The following STAT4 variants were observed in gnomAD, a reference collection of about 807,000 sequenced individuals.
STAT4 encodes the protein signal transducer and activator of transcription 4.
A neutral mutation model predicts 110.5 loss-of-function variants in STAT4; 42 were observed. The observed-to-expected ratio is 0.38, with a 90% CI of 0.30 to 0.49. The LOEUF is 0.49. STAT4 is among the 20% of genes least tolerant of loss of function. The probability of loss-of-function intolerance (pLI) is 0.95; values close to 1 mark genes in which losing one functional copy is unlikely to be tolerated. For missense variants in STAT4, 632 were observed against 887.9 expected (o/e 0.71, Z 3.66); for synonymous variants, 284 against 302.2 (o/e 0.94, Z 0.63).
chr2:191,124,235 T>C (rs1157417781), intron 3 of STAT4, among the ~76,000 whole-genome samples: 1 of 152,020 alleles, frequency 6.6e-6, no homozygotes, highest in Non-Finnish European at 1.5e-5. Flanking sequence ...GGCTGGCGGA[T>C]TGCGAGGTCA....
intron 3 of STAT4, among the ~76,000 whole-genome samples, chr2:191,095,426 G>C (rs1296287311): frequency 6.6e-6 from 1 of 152,166 alleles, no homozygotes; most frequent in Non-Finnish European, 1.5e-5. Flanking sequence ...TCAGACCACA[G>C]CGCAATCAAA....
rs1353417956 is a variant in STAT4, at chr2:191,107,779, G to A, written c.274-31454C>T. 1.3e-5 allele frequency among the ~76,000 whole-genome samples: 2 copies of A among 152,136 alleles called. No individual in the cohort carries two copies. Among genetic ancestry groups the A allele is most frequent in the Non-Finnish European group, 2.9e-5 (2 of 68,030 alleles). ...TACCATACCTTCCTGATGTCCTAAC[G>A]TATGGTCACAGGAAGAGAATCTCGA... On this transcript the variant is annotated intron_variant, in intron 3 of 23. Coordinates refer to ENST00000392320, the MANE Select transcript of STAT4 (RefSeq NM_003151.4). The surrounding 1 kb of genome is among the most constrained non-coding windows in gnomAD (Gnocchi z 4.2).
Position 191,059,272 on chromosome 2 carries a change from T to C in STAT4, c.1035-503A>G. ...CATTTGAAACACTTTCAAAACACTA[T>C]ATTTAAGTAACAGCAAAAACGTTCA... On this transcript the variant is annotated intron_variant, in intron 10 of 23. Coordinates refer to ENST00000392320, the MANE Select transcript of STAT4 (RefSeq NM_003151.4). The surrounding 1 kb of genome is among the most constrained non-coding windows in gnomAD (Gnocchi z 4.7). 6.6e-6 allele frequency among the ~76,000 whole-genome samples: 1 copy of C among 152,214 alleles called. No individual in the cohort carries two copies. The highest frequency in any genetic ancestry group is 1.9e-4 in the East Asian group (1 of 5,202).
In STAT4 at chr2:191,033,636, G is replaced by T. The variant is rs1486303114; in HGVS notation, c.1716-10C>A. 2.5e-6 allele frequency: 4 copies of T among 1,609,502 alleles called. No individual in the cohort carries two copies. Among genetic ancestry groups the T allele is most frequent in the African/African-American group, 1.3e-5 (1 of 74,640 alleles). On this transcript the variant is annotated splice_polypyrimidine_tract_variant and intron_variant, in intron 19 of 23. Transcript: ENST00000392320. The surrounding 1 kb of genome is among the most constrained non-coding windows in gnomAD (Gnocchi z 6.9). ...AAAGCCCATGACATACCTAAAAATA[G>T]AACATGCATTATTTCATCTGATCAT...
At chr2:191,078,614 G>T (rs1284815902) in intron 3 of STAT4, among the ~76,000 whole-genome samples, 1 of 152,212 alleles carries the variant, frequency 6.6e-6, no homozygotes, top group African/African-American at 2.4e-5. Context: ...CCTTTCAGCA[G>T]TTACTAAGTA....
intron 3 of STAT4, among the ~76,000 whole-genome samples, chr2:191,089,265 C>A (rs1014341222): frequency 2.6e-5 from 4 of 152,018 alleles, no homozygotes; most frequent in Non-Finnish European, 5.9e-5. Context: ...AGATGTCTCA[C>A]CAAAGAAGAT....
intron 3 of STAT4, among the ~76,000 whole-genome samples, chr2:191,081,933 TG>T (rs553037478): frequency 2.0e-3 from 301 of 152,308 alleles, no homozygotes; most frequent in African/African-American, 6.8e-3. Flanking sequence ...TGCATCATGC[TG>T]GAAGTTAAGT....
intron 3 of STAT4, among the ~76,000 whole-genome samples, chr2:191,092,399 G>A (rs1697825061): frequency 6.6e-6 from 1 of 151,728 alleles, no homozygotes; most frequent in South Asian, 2.1e-4. Flanking sequence ...GCAAGACTCT[G>A]TCTCAAAAAT....
intron 3 of STAT4, among the ~76,000 whole-genome samples, chr2:191,123,846 A>C (rs1339472640): frequency 2.0e-5 from 3 of 152,162 alleles, no homozygotes; most frequent in Non-Finnish European, 4.4e-5. Flanking sequence ...CTAGCCCCGG[A>C]AAAGATCAAA....
chr2:191,038,734 T>G (rs1003748912), intron 16 of STAT4, among the ~76,000 whole-genome samples: 1 of 152,242 alleles, frequency 6.6e-6, no homozygotes, highest in Non-Finnish European at 1.5e-5. Context: ...GGATGAAATC[T>G]GTAATCCACT....
At chr2:191,132,226 A>C (rs1404466376) in intron 3 of STAT4, among the ~76,000 whole-genome samples, 1 of 151,764 alleles carries the variant, frequency 6.6e-6, no homozygotes, top group East Asian at 1.9e-4. Flanking sequence ...AAATAGCTTC[A>C]ACATCACTCC....
rs1396202134 is a variant in STAT4, at chr2:191,099,840, T to C, written c.274-23515A>G. Among the ~76,000 whole-genome samples the C allele has an allele frequency of 6.6e-6, 1 of 152,176 alleles. No homozygotes were observed. Among genetic ancestry groups the C allele is most frequent in the African/African-American group, 2.4e-5 (1 of 41,462 alleles). On this transcript the variant is annotated intron_variant, in intron 3 of 23. Transcript: ENST00000392320. This position sits in a 1 kb window ranked among gnomAD's most constrained non-coding sequence, Gnocchi z 4.1. ...TTAAAAAGCTACATGTATATTATGA[T>C]CTACTTTATGGAAAATTACATGAGT...
At chr2:191,139,840 C>T (rs1458804021) in intron 3 of STAT4, among the ~76,000 whole-genome samples, 5 of 152,104 alleles carry the variant, frequency 3.3e-5, no homozygotes, top group Non-Finnish European at 7.4e-5. Context: ...ATCATATTAC[C>T]CAACTTCAAA....
chr2:191,139,718 A>G (rs1302751615), intron 3 of STAT4, among the ~76,000 whole-genome samples: 2 of 152,224 alleles, frequency 1.3e-5, no homozygotes, highest in East Asian at 1.9e-4. Flanking sequence ...CCATCAAAAT[A>G]CCATCATCAT....
In STAT4 at chr2:191,062,911, T is replaced by C. The variant is rs776940641; in HGVS notation, c.792A>G (p.Leu264=). The change falls in exon 9 of 24, where the codon CTA becomes CTG. Residue 264 remains leucine, a synonymous_variant. Coordinates refer to ENST00000392320, the MANE Select transcript of STAT4 (RefSeq NM_003151.4). The surrounding 1 kb of genome is among the most constrained non-coding windows in gnomAD (Gnocchi z 4.9). ...GLDQLQNCFT[L]LAESLFQLRR... is the part of the protein sequence containing the mutation. ...TCAGTTGGAAAAGACTTTCTGCCAA[T>C]AGTGTAAAGCTATTGAACAGAAAAT... is the stretch of plus-strand genomic sequence containing the variant. 6.2e-7 allele frequency: 1 copy of C among 1,613,546 alleles called. No homozygotes were observed. Among genetic ancestry groups the C allele is most frequent in the Non-Finnish European group, 8.5e-7 (1 of 1,179,730 alleles).
chr2:191,037,732 C>T lies in STAT4; in HGVS notation c.1435-1433G>A, dbSNP rs1363023909. ...TGGGAATGAAAGAGGACACAGCATC[C>T]AACAAGGAATGGGCAATAGGAAGAG... On this transcript the variant is annotated intron_variant, in intron 16 of 23. Transcript: ENST00000392320. The surrounding 1 kb of genome is among the most constrained non-coding windows in gnomAD (Gnocchi z 4.8). 6.6e-6 allele frequency among the ~76,000 whole-genome samples: 1 copy of T among 152,042 alleles called. No individual in the cohort carries two copies. The highest frequency in any genetic ancestry group is 1.5e-5 in the Non-Finnish European group (1 of 68,016).
intron 3 of STAT4, among the ~76,000 whole-genome samples, chr2:191,136,787 A>G (rs1699190491): frequency 6.6e-6 from 1 of 152,138 alleles, no homozygotes; most frequent in Non-Finnish European, 1.5e-5. Flanking sequence ...TTTGCTGATG[A>G]TATGATTTTA....
rs1699383689 is a variant in STAT4 at position 191,143,386 on chromosome 2, C to G, written c.273+3227G>C. 6.6e-6 allele frequency among the ~76,000 whole-genome samples: 1 copy of G among 152,124 alleles called. No homozygotes were observed. Among genetic ancestry groups the G allele is most frequent in the Non-Finnish European group, 1.5e-5 (1 of 68,028 alleles). On this transcript the variant is annotated intron_variant, in intron 3 of 23. Transcript: ENST00000392320. This position sits in a 1 kb window ranked among gnomAD's most constrained non-coding sequence, Gnocchi z 5.6. ...TGTGTGAATATCTTACTCAGGGCCA[C>G]ATTGCAAGTGGCAGGGCCAGGATTC... is the stretch of plus-strand genomic sequence containing the variant.
intron 3 of STAT4, among the ~76,000 whole-genome samples, chr2:191,115,961 A>G (rs1698558837): frequency 2.0e-5 from 3 of 152,206 alleles, no homozygotes; most frequent in Non-Finnish European, 4.4e-5. Flanking sequence ...AGATACAACT[A>G]TATCTATTCT....
Sources: allele counts gnomAD v4.1 joint callset (sites outside exome capture counted in the v4.1 genomes callset), GRCh38; gene constraint gnomAD v4.1.1; non-coding constraint Gnocchi (gnomAD v3.1); transcripts MANE v1.5; gene names NCBI Gene and HGNC (gene_info 2026-07-23, HGNC 2026-07-21).